DIAPH2: variants seen among roughly 807,000 people sequenced by gnomAD.
The protein encoded by DIAPH2 is protein diaphanous homolog 2.
DIAPH2 carries 35 observed loss-of-function variants against 92.7 expected under a neutral mutation model. That is an observed-to-expected ratio of 0.38 (90% CI 0.29 to 0.50). The LOEUF is 0.50. Ranked by LOEUF, DIAPH2 falls within the 20% of genes least tolerant of loss-of-function variation. The probability of loss-of-function intolerance (pLI) is 0.94; values close to 1 mark genes in which losing one functional copy is unlikely to be tolerated. For missense variants in DIAPH2, 701 were observed against 819.5 expected (o/e 0.86, Z 1.77); for synonymous variants, 301 against 280.4 (o/e 1.07, Z -0.73).
chrX:97,456,220 A>G (rs2070402984), intron 26 of DIAPH2, among the ~76,000 whole-genome samples: 1 of 110,892 alleles, frequency 9.0e-6, no homozygotes. Context: ...CCCCGTCTCT[A>G]CTAAAAAATA....
At chrX:97,495,129 A>G (rs1444468316) in intron 26 of DIAPH2, among the ~76,000 whole-genome samples, 1 of 112,049 alleles carries the variant, frequency 8.9e-6, no homozygotes, top group Admixed American at 9.5e-5. Context: ...TTCAGTGCTG[A>G]GCTGTGATGG....
At chrX:97,450,155 ATTTTAATAAAAT>A (rs1242859749) in intron 26 of DIAPH2, among the ~76,000 whole-genome samples, 1 of 111,592 alleles carries the variant, frequency 9.0e-6, no homozygotes, top group African/African-American at 3.3e-5. Context: ...GGTCCCTTTT[ATTTTAATAAAAT>A]TTAGATATAT....
chrX:97,329,201 G>A (rs180858424), intron 23 of DIAPH2, among the ~76,000 whole-genome samples: 55 of 112,355 alleles, frequency 4.9e-4, no homozygotes, highest in Non-Finnish European at 7.3e-4. Flanking sequence ...CAGTTAATAT[G>A]TGTTTGGATG....
chrX:97,173,166 C>G (rs1188759769), intron 22 of DIAPH2, among the ~76,000 whole-genome samples: 1 of 112,115 alleles, frequency 8.9e-6, no homozygotes, highest in East Asian at 2.8e-4. Context: ...TTTGGGAGGC[C>G]AAGGTGGGCG....
chrX:96,909,945 A>C (rs761206395), intron 5 of DIAPH2, among the ~76,000 whole-genome samples: 1 of 111,111 alleles, frequency 9.0e-6, no homozygotes, highest in Non-Finnish European at 1.9e-5. Flanking sequence ...GTAGACATAA[A>C]GAGAATATAA....
chrX:97,447,428 A>G (rs748553774), intron 26 of DIAPH2, among the ~76,000 whole-genome samples: 315 of 111,428 alleles, frequency 2.8e-3, no homozygotes, highest in Middle Eastern at 4.7e-3. Context: ...CTTTTTCTCA[A>G]TGATGTGAAT....
chrX:97,300,253 G>A (rs1441811842), intron 23 of DIAPH2, among the ~76,000 whole-genome samples: 3 of 111,541 alleles, frequency 2.7e-5, no homozygotes, highest in Non-Finnish European at 5.6e-5. Context: ...AGCAATTCAT[G>A]GAATACGTTG....
At chrX:97,559,739 A>G (rs1020327163) in intron 26 of DIAPH2, among the ~76,000 whole-genome samples, 6 of 112,101 alleles carry the variant, frequency 5.4e-5, no homozygotes, top group Non-Finnish European at 9.4e-5. Flanking sequence ...TACAGACAAT[A>G]TAAAACCATG....
chrX:96,750,830 G>A (rs975236568), intron 3 of DIAPH2, among the ~76,000 whole-genome samples: 32 of 112,386 alleles, frequency 2.8e-4, no homozygotes, highest in African/African-American at 1.0e-3. Context: ...CTTCTGATAC[G>A]TCAGTATTTG....
chrX:97,276,295 G>C (rs994334440), intron 23 of DIAPH2, among the ~76,000 whole-genome samples: 10 of 111,879 alleles, frequency 8.9e-5, no homozygotes, highest in Non-Finnish European at 1.7e-4. Flanking sequence ...GGGACAGGGA[G>C]AGGGAGAGGG....
intron 23 of DIAPH2, among the ~76,000 whole-genome samples, chrX:97,293,533 G>A (rs921712188): frequency 9.0e-6 from 1 of 111,459 alleles, no homozygotes; most frequent in African/African-American, 3.3e-5. Context: ...TTACAGGCGT[G>A]AGCCACTGCC....
chrX:97,071,383 A>G (rs956072165), intron 17 of DIAPH2, among the ~76,000 whole-genome samples: 2 of 111,668 alleles, frequency 1.8e-5, no homozygotes, highest in Admixed American at 1.9e-4. Flanking sequence ...TTCTTTTAAT[A>G]TATTTTAAGA....
chrX:96,978,235 T>G (rs1192779543), intron 17 of DIAPH2, among the ~76,000 whole-genome samples: 1 of 111,897 alleles, frequency 8.9e-6, no homozygotes, highest in African/African-American at 3.2e-5. Flanking sequence ...TAATCTTCCA[T>G]TTAGTCAATT....
intron 1 of DIAPH2, among the ~76,000 whole-genome samples, chrX:96,712,571 A>G (rs768182711): frequency 9.0e-6 from 1 of 110,852 alleles, no homozygotes; most frequent in South Asian, 3.8e-4. Flanking sequence ...TACCTTATCT[A>G]TTTTAGATAT....
intron 17 of DIAPH2, among the ~76,000 whole-genome samples, chrX:97,001,837 T>A (rs893982117): frequency 9.0e-6 from 1 of 111,562 alleles, no homozygotes; most frequent in Non-Finnish European, 1.9e-5. Context: ...TTTTCCACTT[T>A]GCTTGACAAA....
chrX:97,371,116 A>T (rs1262797300), intron 24 of DIAPH2, among the ~76,000 whole-genome samples: 1 of 111,902 alleles, frequency 8.9e-6, no homozygotes, highest in East Asian at 2.8e-4. Context: ...AGGATGGAGA[A>T]GTCTATAATT....
intron 1 of DIAPH2, among the ~76,000 whole-genome samples, chrX:96,699,045 A>G (rs1313234320): frequency 9.0e-6 from 1 of 111,086 alleles, no homozygotes; most frequent in African/African-American, 3.3e-5. Flanking sequence ...TACCAATGTT[A>G]ATGAGCTAAT....
chrX:96,994,808 A>G (rs2066094125), intron 17 of DIAPH2, among the ~76,000 whole-genome samples: 1 of 111,104 alleles, frequency 9.0e-6, no homozygotes, highest in African/African-American at 3.3e-5. Context: ...TGTCATGAGA[A>G]CTCACTCACT....
chrX:96,937,620 A>C (rs773209929), intron 11 of DIAPH2, among the ~76,000 whole-genome samples: 29 of 111,974 alleles, frequency 2.6e-4, no homozygotes, highest in Non-Finnish European at 4.7e-4. Flanking sequence ...AATAAAGAAT[A>C]GCATAAGGCA....
Sources: gnomAD v4.1 joint callset for allele counts (sites outside exome capture counted in the v4.1 genomes callset) on GRCh38, gnomAD v4.1.1 for gene constraint, MANE v1.5 for transcripts, NCBI Gene and HGNC (gene_info 2026-07-23, HGNC 2026-07-21) for gene names.